MAGEC3: variants seen among roughly 807,000 people sequenced by gnomAD.
The protein encoded by MAGEC3 is MAGE family member C3.
MAGEC3 carries 34 observed loss-of-function variants against 35.3 expected under a neutral mutation model. The ratio of observed to expected loss-of-function variants is 0.96; its 90% CI spans 0.73 to 1.28. MAGEC3 has a LOEUF of 1.28. MAGEC3 is among the 50% of genes most tolerant of loss of function. The pLI is 0.00. For synonymous variants in MAGEC3, 202 were observed against 185.6 expected, an observed-to-expected ratio of 1.09 and a Z score of -0.72; for missense variants, 561 against 483.6, an observed-to-expected ratio of 1.16 and a Z score of -1.50.
At chrX:141,887,210 A>G (rs1309539039) in intron 4 of MAGEC3, among the ~76,000 whole-genome samples, 1 of 112,554 alleles carries the variant, frequency 8.9e-6, no homozygotes, top group Non-Finnish European at 1.9e-5. Context: ...GGCCAGCAAT[A>G]TACCTTTACC....
chrX:141,866,117 C>A (rs1310421062), intron 2 of MAGEC3, among the ~76,000 whole-genome samples: 2 of 111,349 alleles, frequency 1.8e-5, no homozygotes, highest in Non-Finnish European at 3.8e-5. Context: ...CAGTCCGTTT[C>A]CACTCTTAGC....
intron 4 of MAGEC3, among the ~76,000 whole-genome samples, chrX:141,886,772 A>C (rs1175117613): frequency 9.0e-6 from 1 of 111,379 alleles, no homozygotes; most frequent in Non-Finnish European, 1.9e-5. Flanking sequence ...GCTATTATGA[A>C]GGGAAAGGCT....
chrX:141,881,449 G>C lies in MAGEC3; in HGVS notation c.562G>C (p.Val188Leu). The C allele has an allele frequency of 8.3e-7, 1 of 1,210,055 alleles. No individual in the cohort carries two copies. The highest frequency in any genetic ancestry group is 1.1e-6 in the Non-Finnish European group (1 of 894,826). Residue 188 changes from valine (V) to leucine (L), a missense_variant, in exon 4 of 8, where the codon GTG (valine) becomes CTG (leucine). Transcript: ENST00000298296. ...GTTCACTTATACACTGGATGAAAAGGTGGACAAGTTGGTGCAGTTTCTTCT... is the reference window on the plus strand; with the variant it reads ...GTTCACTTATACACTGGATGAAAAGCTGGACAAGTTGGTGCAGTTTCTTCT... ...PLFTYTLDEK[V>L]DKLVQFLLLK...
At chrX:141,875,907 C>A (rs372750073) in intron 2 of MAGEC3, among the ~76,000 whole-genome samples, 1 of 111,335 alleles carries the variant, frequency 9.0e-6, no homozygotes, top group Non-Finnish European at 1.9e-5. Flanking sequence ...CCCACTGCCC[C>A]GGGACACTGA....
chrX:141,877,574 A>G (rs2017927942), intron 2 of MAGEC3, among the ~76,000 whole-genome samples: 1 of 111,484 alleles, frequency 9.0e-6, no homozygotes, highest in Admixed American at 9.5e-5. Flanking sequence ...CAACTGGCCA[A>G]TCCTCATTCC....
At chrX:141,868,172 G>C (rs191901342) in intron 2 of MAGEC3, among the ~76,000 whole-genome samples, 2 of 111,073 alleles carry the variant, frequency 1.8e-5, no homozygotes, top group African/African-American at 6.5e-5. Context: ...GGTGAGGTAG[G>C]GGTGAGATTG....
chrX:141,884,423 T>C (rs1364803005), intron 4 of MAGEC3, among the ~76,000 whole-genome samples: 1 of 111,544 alleles, frequency 9.0e-6, no homozygotes, highest in Non-Finnish European at 1.9e-5. Flanking sequence ...GATGGCCTAT[T>C]GTGGGACCTC....
intron 2 of MAGEC3, among the ~76,000 whole-genome samples, chrX:141,868,227 T>G (rs1201896211): frequency 1.8e-5 from 2 of 112,167 alleles, no homozygotes; most frequent in Non-Finnish European, 3.8e-5. Context: ...TTTTATGATT[T>G]TCAGCTTAAG....
chrX:141,897,629 C>T lies in MAGEC3; in HGVS notation c.1729C>T (p.Pro577Ser), dbSNP rs1442394084. 1 of 1,205,372 alleles carries T rather than the reference C, an allele frequency of 8.3e-7. No individual in the cohort carries two copies. Among genetic ancestry groups the T allele is most frequent in the Non-Finnish European group, 1.1e-6 (1 of 893,157 alleles). ...VIWEVLSAIG[P>S]IQRPAREVLE... ...TATGAATTTTTGTGGGGTCCAAGAG[C>T]CCATTCAGAGGCCAGCAAGAGAAGT... The change falls in exon 8 of 8, where the codon CCC becomes TCC. Residue 577 changes from proline to serine, a missense_variant and splice_region_variant. Coordinates refer to ENST00000298296, the MANE Select transcript of MAGEC3 (RefSeq NM_138702.1).
At chrX:141,855,563 G>A (rs895733355) in intron 1 of MAGEC3, among the ~76,000 whole-genome samples, 2 of 111,078 alleles carry the variant, frequency 1.8e-5, no homozygotes, top group Non-Finnish European at 3.8e-5. Flanking sequence ...TTATTTTGGT[G>A]AAAGTTTGAA....
At chrX:141,880,228 G>C (rs1016862278) in intron 3 of MAGEC3, among the ~76,000 whole-genome samples, 4 of 111,977 alleles carry the variant, frequency 3.6e-5, no homozygotes, top group Admixed American at 9.4e-5. Context: ...TGTGAGGCCA[G>C]CCCAACTGCC....
chrX:141,869,412 C>G (rs1478312736), intron 2 of MAGEC3, among the ~76,000 whole-genome samples: 1 of 112,307 alleles, frequency 8.9e-6, no homozygotes, highest in East Asian at 2.8e-4. Flanking sequence ...CAGGAGTATA[C>G]TTTGCTTAGT....
At position 141,883,593 on chromosome X, in the gene MAGEC3, T is replaced by TAATA. The variant is rs1438061534; in HGVS notation, c.909+1798_909+1801dup. On this transcript the variant is annotated intron_variant, in intron 4 of 7. Transcript: ENST00000298296. ...AGAGATAGAGTTTTTGAGATCATCC[T>TAATA]AATATTTGATATTTGTATTGGGATT... 2.6e-4 allele frequency among the ~76,000 whole-genome samples: 29 copies of TAATA among 112,312 alleles called. No homozygotes were observed. The Admixed American group carries it at 2.7e-3, about 11-fold the overall frequency.
chrX:141,870,382 GAGT>G (rs1393090757), intron 2 of MAGEC3, among the ~76,000 whole-genome samples: 1 of 111,356 alleles, frequency 9.0e-6, no homozygotes, highest in African/African-American at 3.3e-5. Flanking sequence ...TTTTGCTAAA[GAGT>G]AGATTAGCAT....
intron 1 of MAGEC3, chrX:141,838,990 G>A: frequency 3.2e-6 from 1 of 316,648 alleles, no homozygotes; most frequent in Non-Finnish European, 4.2e-6. Flanking sequence ...CTTTCTCCCT[G>A]AAGCAGTGCC....
chrX:141,858,099 TACTTATA>T (rs769469936), intron 1 of MAGEC3, among the ~76,000 whole-genome samples: 1,607 of 111,483 alleles, frequency 0.014, 10 homozygotes, highest in Non-Finnish European at 0.023. Context: ...TAACTTTATA[TACTTATA>T]ACTTATGCAT....
intron 1 of MAGEC3, chrX:141,839,738 T>C: frequency 1.3e-6 from 1 of 744,377 alleles, no homozygotes; most frequent in Non-Finnish European, 1.6e-6. Flanking sequence ...CCTGGATCAT[T>C]ACTTACTGTT....
chrX:141,888,962 A>G (rs1198464045), intron 4 of MAGEC3, among the ~76,000 whole-genome samples: 1 of 112,448 alleles, frequency 8.9e-6, no homozygotes, highest in African/African-American at 3.2e-5. Flanking sequence ...TGTCCTGCAC[A>G]CAGTGCTTCT....
chrX:141,895,288 G>C lies in MAGEC3; in HGVS notation c.929G>C (p.Gly310Ala). The C allele has an allele frequency of 8.3e-7, 1 of 1,210,429 alleles. No individual in the cohort carries two copies. The highest frequency in any genetic ancestry group is 1.1e-6 in the Non-Finnish European group (1 of 894,847). ...NAIGPWSALAGFADVLSRLAL... is the reference protein window; with the variant it reads ...NAIGPWSALAAFADVLSRLAL... The stretch of plus-strand genomic sequence containing the variant: ...TGTCAGCCCTGGTCAGCCTTGGCAG[G>C]GTTCGCGGATGTGCTTTCCCGACTT... Residue 310 changes from glycine (G) to alanine (A), a missense_variant, in exon 5 of 8, where the codon GGG becomes GCG. Physicochemically the swap from Gly to Ala is moderately conservative, Grantham distance 60. Coordinates refer to ENST00000298296, the MANE Select transcript of MAGEC3 (RefSeq NM_138702.1).
Sources: gnomAD v4.1 joint callset for allele counts (sites outside exome capture counted in the v4.1 genomes callset) on GRCh38, gnomAD v4.1.1 for gene constraint, MANE v1.5 for transcripts, NCBI Gene and HGNC (gene_info 2026-07-23, HGNC 2026-07-21) for gene names.